Variants in SRCAP observed in about 807,000 individuals in gnomAD.
SRCAP encodes chromatin remodeling protein SRCAP.
In SRCAP, 46 loss-of-function variants were observed where a neutral mutation model predicts 263.1. The observed-to-expected ratio is 0.17, with a 90% CI of 0.14 to 0.22. The LOEUF is 0.22. Ranked by LOEUF, SRCAP falls within the 10% of genes least tolerant of loss-of-function variation. SRCAP has a pLI of 1.00. For synonymous variants in SRCAP, 1,813 were observed against 1,662.1 expected, an observed-to-expected ratio of 1.09 and a Z score of -2.21; for missense variants, 3,695 against 4,181.9, an observed-to-expected ratio of 0.88 and a Z score of 3.21.
intron 18 of SRCAP, among the ~76,000 whole-genome samples, chr16:30,717,339 T>G (rs2052960699): frequency 6.6e-6 from 1 of 152,214 alleles, no homozygotes; most frequent in Non-Finnish European, 1.5e-5. Context: ...TTATATGCTT[T>G]GGAAATTAAC....
intron 6 of SRCAP, among the ~76,000 whole-genome samples, chr16:30,709,151 T>G (rs2052859739): frequency 6.6e-6 from 1 of 152,064 alleles, no homozygotes; most frequent in Admixed American, 6.6e-5. Context: ...CAGTTCCAGC[T>G]GGGTGTGGTG....
intron 5 of SRCAP, 32 bp downstream of exon 5, chr16:30,707,400 C>G: frequency 6.2e-7 from 1 of 1,610,526 alleles, no homozygotes; most frequent in Non-Finnish European, 8.5e-7. Context: ...CCTTCCTTTT[C>G]CTTTTCAGGT....
chr16:30,739,669 G>C lies in SRCAP; in HGVS notation c.9629G>C (p.Ser3210Thr). ...CAAGGGGACCAGCGCATCCTGCGCA[G>C]CAGCGCCCCTCCCTCCCTGGCTGGC... ...TNQGDQRILR[S>T]SAPPSLAGPA... is the part of the protein sequence containing the mutation. Residue 3210 changes from serine to threonine, a missense_variant, in exon 34 of 34, where the codon AGC becomes ACC. Around this residue, in one of 12 missense-constraint regions of SRCAP, gnomAD observed 1,207 missense variants for 1,142.9 expected, o/e 1.06. Transcript: ENST00000262518. The C allele has an allele frequency of 6.4e-7, 1 of 1,570,404 alleles. No homozygotes were observed.
At chr16:30,703,188 T>A (rs979211146) in intron 3 of SRCAP, among the ~76,000 whole-genome samples, 1 of 151,142 alleles carries the variant, frequency 6.6e-6, no homozygotes, top group African/African-American at 2.4e-5. Context: ...TAAATTTTTT[T>A]TTTCCTTTTC....
Position 30,712,775 on chromosome 16 carries a change from C to T in SRCAP, c.2090C>T (p.Thr697Ile), listed in dbSNP as rs1172288761. Residue 697 changes from threonine to isoleucine, a missense_variant, in exon 14 of 34, where the codon ACT becomes ATT. Physicochemically the swap from Thr to Ile is moderately conservative, Grantham distance 89. Transcript: ENST00000262518. The part of the protein sequence containing the change: ...KRWCPSFKIL[T>I]YYGAQKERKL... Reference sequence around the variant, plus strand: ...TGGTGCCCCAGCTTTAAAATCCTCACTTACTATGGAGCCCAGAAAGAGAGG... The same window carrying T: ...TGGTGCCCCAGCTTTAAAATCCTCATTTACTATGGAGCCCAGAAAGAGAGG... 1.2e-6 allele frequency: 2 copies of T among 1,614,142 alleles called. No homozygotes were observed. Among genetic ancestry groups the T allele is most frequent in the East Asian group, 2.2e-5 (1 of 44,886 alleles).
rs1485710111 is a variant in SRCAP, at chr16:30,736,184, T to C, written c.6730-16T>C. The stretch of plus-strand genomic sequence containing the variant: ...TGAAGTCTCATGTTTTCTTTTTCTT[T>C]TATACACCCTGGTAGGCATTGTGTC... On this transcript the variant is annotated splice_polypyrimidine_tract_variant and intron_variant, in intron 31 of 33. Coordinates refer to ENST00000262518, the MANE Select transcript of SRCAP (RefSeq NM_006662.3). The C allele has an allele frequency of 6.2e-7, 1 of 1,613,358 alleles. No homozygotes were observed. The highest frequency in any genetic ancestry group is 2.2e-5 in the East Asian group (1 of 44,886).
At position 30,723,958 on chromosome 16, in the gene SRCAP, GCTCCATCCCTGT is replaced by G. The variant is rs2053036894; in HGVS notation, c.4537_4548del (p.Pro1513_Ser1516del). ...AGCCTTGACTCTAGGTTTGGCCACA[GCTCCATCCCTGT>G]CTTCATCTCAGACACCTGGTCACCC... On this transcript the variant is annotated inframe_deletion, in exon 25 of 34. Coordinates refer to ENST00000262518, the MANE Select transcript of SRCAP (RefSeq NM_006662.3). The G allele has an allele frequency of 6.2e-7, 1 of 1,614,014 alleles. No individual in the cohort carries two copies. Among genetic ancestry groups the G allele is most frequent in the Admixed American group, 1.7e-5 (1 of 60,000 alleles).
chr16:30,720,963 G>T lies in SRCAP; in HGVS notation c.3238G>T (p.Gly1080Cys), dbSNP rs772165395. Residue 1080 changes from glycine to cysteine, a missense_variant, in exon 20 of 34, where the codon GGT (glycine) becomes TGT (cysteine). Around this residue, in one of 12 missense-constraint regions of SRCAP, gnomAD observed 1,347 missense variants for 1,304.4 expected, o/e 1.03. Transcript: ENST00000262518. ...VLLPPLQPNS[G>C]SLPQVLPSPL... ...CTTGCCTCCACTGCAGCCCAACAGTGGTTCTCTCCCCCAGGGTGAGTTGAA... is the reference window on the plus strand; with the variant it reads ...CTTGCCTCCACTGCAGCCCAACAGTTGTTCTCTCCCCCAGGGTGAGTTGAA... 3.1e-6 allele frequency: 5 copies of T among 1,607,478 alleles called. No homozygotes were observed. The Admixed American group carries it at 8.4e-5, about 27-fold the overall frequency.
chr16:30,734,070 C>T (rs1596664546), intron 30 of SRCAP, 62 bp downstream of exon 30: 3 of 1,422,728 alleles, frequency 2.1e-6, no homozygotes, highest in Non-Finnish European at 2.9e-6. Flanking sequence ...GGAGTTCCTC[C>T]TGTTTATTAA....
At chr16:30,723,514 A>G in intron 24 of SRCAP, 70 bp from the exon 25 acceptor site, 1 of 1,535,312 alleles carries the variant, frequency 6.5e-7, no homozygotes, top group Non-Finnish European at 8.8e-7. Flanking sequence ...GGGGTATGGG[A>G]AAGATGGGAC....
In SRCAP at chr16:30,720,322, A is replaced by G; in HGVS notation, c.2978A>G (p.Lys993Arg). Residue 993 changes from lysine to arginine, a missense_variant, in exon 19 of 34, where the codon AAG (lysine) becomes AGG (arginine). Around this residue, in one of 12 missense-constraint regions of SRCAP, gnomAD observed 147 missense variants for 212.7 expected, o/e 0.69. Coordinates refer to ENST00000262518, the MANE Select transcript of SRCAP (RefSeq NM_006662.3). The stretch of plus-strand genomic sequence containing the variant: ...CCCCGGCCCAAGCCAGTCAAGATGA[A>G]GGTCAACAGGTACAAGGACTAAGGA... ...PPPRPKPVKM[K>R]VNRMLQPVPK... 2 of 1,613,324 alleles carry G rather than the reference A, an allele frequency of 1.2e-6. No individual in the cohort carries two copies. The highest frequency in any genetic ancestry group is 1.7e-4 in the Middle Eastern group (1 of 6,054).
rs764314892 is a variant in SRCAP at position 30,710,056 on chromosome 16, C to G, written c.1062C>G (p.Pro354=). ...LEGPSSPSQT[P]SSHDSDTRDG... ...GGCCTTCCAGCCCCTCTCAAACCCC[C>G]TCATCTCATGATAGTGACACCCGAG... Residue 354 remains proline, a synonymous_variant, in exon 8 of 34, where the codon CCC becomes CCG. Coordinates refer to ENST00000262518, the MANE Select transcript of SRCAP (RefSeq NM_006662.3). The G allele has an allele frequency of 6.2e-7, 1 of 1,614,132 alleles. No individual in the cohort carries two copies. The highest frequency in any genetic ancestry group is 8.5e-7 in the Non-Finnish European group (1 of 1,180,042).
rs2053010269 is a variant in SRCAP, at chr16:30,721,403, C to A, written c.3468C>A (p.Thr1156=). 1 of 1,613,812 alleles carries A rather than the reference C, an allele frequency of 6.2e-7. No homozygotes were observed. Among genetic ancestry groups the A allele is most frequent in the Non-Finnish European group, 8.5e-7 (1 of 1,180,040 alleles). The change falls in exon 21 of 34, where the codon ACC becomes ACA. Residue 1156 remains threonine (T), a synonymous_variant. Coordinates refer to ENST00000262518, the MANE Select transcript of SRCAP (RefSeq NM_006662.3). ...TTSTTTATAT[T]TAVPAPTPAP... The stretch of plus-strand genomic sequence containing the variant: ...CTACCACCACGGCAACTGCTACCAC[C>A]ACAGCAGTGCCAGCTCCGACTCCTG...
In SRCAP at chr16:30,724,762, C is replaced by G. The variant is rs781414237; in HGVS notation, c.5338C>G (p.Leu1780Val). ...TCCAGCATCGTCATCTGCTTCACTC[C>G]TGGCCCCAGCTTCAGTGCAGACACT... ...LAPASSSASL[L>V]APASVQTLTL... The change falls in exon 25 of 34, where the codon CTG becomes GTG. Residue 1780 changes from leucine (L) to valine (V), a missense_variant. By Grantham distance (32) the Leu-to-Val change is conservative. This residue lies in a region of SRCAP where 1,347 missense variants were observed against 1,304.4 expected (regional missense o/e 1.03). Coordinates refer to ENST00000262518, the MANE Select transcript of SRCAP (RefSeq NM_006662.3). The G allele has an allele frequency of 1.4e-5, 22 of 1,613,714 alleles. No individual in the cohort carries two copies. Among genetic ancestry groups the G allele is most frequent in the Non-Finnish European group, 1.9e-5 (22 of 1,179,866 alleles).
At chr16:30,734,289 G>T (rs2053138890) in intron 30 of SRCAP, 1 of 705,098 alleles carries the variant, frequency 1.4e-6, no homozygotes, top group Non-Finnish European at 2.3e-6. Context: ...GTTGCAGTGA[G>T]TTGAGATGGC....
chr16:30,709,536 C>T lies in SRCAP; in HGVS notation c.657C>T (p.Ser219=), dbSNP rs926651280. The change falls in exon 7 of 34, where the codon TCC becomes TCT. Residue 219 remains serine, a synonymous_variant. Transcript: ENST00000262518. ...VEKVVQFKQQ[S]RLEEKRKKAL... ...AGGTGGTGCAATTCAAGCAACAGTC[C>T]CGGCTTGAGGAAAAGCGCAAAAAAG... is the stretch of plus-strand genomic sequence containing the variant. 6 of 1,614,104 alleles carry T rather than the reference C, an allele frequency of 3.7e-6. No homozygotes were observed. Among genetic ancestry groups the T allele is most frequent in the South Asian group, 2.2e-5 (2 of 91,078 alleles).
In SRCAP at chr16:30,721,278, C is replaced by G; in HGVS notation, c.3343C>G (p.Arg1115Gly). The change falls in exon 21 of 34, where the codon CGC becomes GGC. Residue 1115 changes from arginine (R) to glycine (G), a missense_variant. Arg to Gly is a moderately radical substitution (Grantham distance 125). Coordinates refer to ENST00000262518, the MANE Select transcript of SRCAP (RefSeq NM_006662.3). ...SLKPTPPAPVRLSPAPPPGSS... is the reference protein window; with the variant it reads ...SLKPTPPAPVGLSPAPPPGSS... ...AAAGCCAACACCACCTGCCCCAGTTCGCCTGAGCCCAGCCCCACCTCCAGG... is the reference window on the plus strand; with the variant it reads ...AAAGCCAACACCACCTGCCCCAGTTGGCCTGAGCCCAGCCCCACCTCCAGG... 1.1e-5 allele frequency: 17 copies of G among 1,614,118 alleles called. No individual in the cohort carries two copies. The highest frequency in any genetic ancestry group is 1.4e-5 in the Non-Finnish European group (17 of 1,180,014).
rs535430587 is a variant in SRCAP, at chr16:30,700,269, C to A, written c.-210+288C>A. On this transcript the variant is annotated intron_variant, in intron 2 of 33. Coordinates refer to ENST00000262518, the MANE Select transcript of SRCAP (RefSeq NM_006662.3). ...ATCACTTTTTTACTGTGTAACCTTC[C>A]GCAAATCATAAGGTCTTAACTTCGT... 1.3e-3 allele frequency among the ~76,000 whole-genome samples: 193 copies of A among 152,266 alleles called. 2 individuals are homozygous for A. The highest frequency in any genetic ancestry group is 3.9e-3 in the South Asian group (19 of 4,828).
Position 30,738,042 on chromosome 16 carries a change from C to T in SRCAP, c.8002C>T (p.Leu2668=), listed in dbSNP as rs1238903957. The change falls in exon 34 of 34, where the codon CTG becomes TTG. Residue 2668 remains leucine (L), a synonymous_variant. Transcript: ENST00000262518. ...AASDEPLQEP[L]EADRTSEELT... Reference sequence around the variant, plus strand: ...ATCTGATGAGCCACTTCAGGAGCCACTGGAGGCTGACAGGACCTCGGAAGA... The same window carrying T: ...ATCTGATGAGCCACTTCAGGAGCCATTGGAGGCTGACAGGACCTCGGAAGA... 2 of 1,614,166 alleles carry T rather than the reference C, an allele frequency of 1.2e-6. No individual in the cohort carries two copies. The highest frequency in any genetic ancestry group is 1.7e-5 in the Admixed American group (1 of 60,018).
Sources: allele counts gnomAD v4.1 joint callset (sites outside exome capture counted in the v4.1 genomes callset), GRCh38; gene constraint gnomAD v4.1.1; regional missense constraint gnomAD v4.1.1; transcripts MANE v1.5; gene names NCBI Gene and HGNC (gene_info 2026-07-23, HGNC 2026-07-21).